The following ASTN2 variants were observed in gnomAD, a reference collection of about 807,000 sequenced individuals.
The protein encoded by ASTN2 is astrotactin-2.
ASTN2 carries 54 observed loss-of-function variants against 139.8 expected under a neutral mutation model. The observed-to-expected ratio is 0.39, with a 90% CI of 0.31 to 0.48. The LOEUF (loss-of-function observed/expected upper bound fraction) is 0.48. ASTN2 is among the 20% of genes least tolerant of loss of function. ASTN2 has a pLI of 0.95. For synonymous variants in ASTN2, 756 were observed against 719.5 expected (o/e 1.05, Z -0.81); for missense variants, 1,565 against 1,725.1 (o/e 0.91, Z 1.64).
intron 14 of ASTN2, among the ~76,000 whole-genome samples, chr9:116,730,257 G>C (rs1053353783): frequency 3.9e-5 from 6 of 151,996 alleles, no homozygotes; most frequent in African/African-American, 1.4e-4. Flanking sequence ...AGAGATATTT[G>C]ATACCAAGAT....
chr9:117,351,586 C>T (rs1466278255), intron 1 of ASTN2, among the ~76,000 whole-genome samples: 4 of 152,170 alleles, frequency 2.6e-5, no homozygotes, highest in Non-Finnish European at 5.9e-5. Context: ...CAAGTCTCTA[C>T]AATTTTCAAA....
intron 19 of ASTN2, among the ~76,000 whole-genome samples, chr9:116,489,215 A>C (rs1849433755): frequency 6.6e-6 from 1 of 152,244 alleles, no homozygotes; most frequent in African/African-American, 2.4e-5. Context: ...ATTAGGACTC[A>C]GAGCAGCTTG....
chr9:116,549,772 C>G (rs1310025090), intron 19 of ASTN2, among the ~76,000 whole-genome samples: 1 of 152,138 alleles, frequency 6.6e-6, no homozygotes, highest in African/African-American at 2.4e-5. Flanking sequence ...CACTGGAGTG[C>G]CCTTCCCCAC....
At chr9:117,371,560 C>T (rs189256956) in intron 1 of ASTN2, among the ~76,000 whole-genome samples, 24 of 152,216 alleles carry the variant, frequency 1.6e-4, no homozygotes, top group African/African-American at 5.8e-4. Context: ...CCCATCTTCC[C>T]CCCAATAGTT....
intron 4 of ASTN2, among the ~76,000 whole-genome samples, chr9:117,107,406 AG>A (rs1392265890): frequency 6.6e-6 from 1 of 152,194 alleles, no homozygotes; most frequent in African/African-American, 2.4e-5. Context: ...CCCTCCCGAA[AG>A]GATATACCAA....
chr9:116,765,331 C>A (rs1219115646), intron 13 of ASTN2, among the ~76,000 whole-genome samples: 1 of 152,134 alleles, frequency 6.6e-6, no homozygotes, highest in Non-Finnish European at 1.5e-5. Flanking sequence ...CCAGGCTATT[C>A]AAAACCCCTT....
chr9:116,874,442 TGAAG>T (rs1833244831), intron 10 of ASTN2, among the ~76,000 whole-genome samples: 1 of 152,064 alleles, frequency 6.6e-6, no homozygotes, highest in East Asian at 1.9e-4. Flanking sequence ...GGGCAGGTGT[TGAAG>T]GAAGAGAAGA....
At chr9:116,706,591 T>C (rs747695608) in intron 16 of ASTN2, among the ~76,000 whole-genome samples, 2 of 151,992 alleles carry the variant, frequency 1.3e-5, no homozygotes, top group South Asian at 4.2e-4. Flanking sequence ...TTGGTCCTAA[T>C]GTAACATCAG....
At chr9:116,460,167 T>A (rs1848444003) in intron 20 of ASTN2, among the ~76,000 whole-genome samples, 1 of 152,132 alleles carries the variant, frequency 6.6e-6, no homozygotes, top group Non-Finnish European at 1.5e-5. Context: ...ATATATTGCA[T>A]GATTCCACTT....
chr9:116,698,001 G>C lies in ASTN2; in HGVS notation c.2806+27770C>G, dbSNP rs925039617. On this transcript the variant is annotated intron_variant, in intron 16 of 22. Transcript: ENST00000313400. This position sits in a 1 kb window ranked among gnomAD's most constrained non-coding sequence, Gnocchi z 4.4. ...CAATCTGACAGTGCTAAAGATCATT[G>C]ATACAGCTGGGCTCAGCGAGGCTGT... 1.2e-6 allele frequency: 2 copies of C among 1,614,038 alleles called. No individual in the cohort carries two copies. The highest frequency in any genetic ancestry group is 1.7e-6 in the Non-Finnish European group (2 of 1,180,058).
intron 20 of ASTN2, among the ~76,000 whole-genome samples, chr9:116,465,844 T>A (rs892449864): frequency 6.6e-6 from 1 of 152,208 alleles, no homozygotes; most frequent in Non-Finnish European, 1.5e-5. Flanking sequence ...TGATGAGTAG[T>A]CTTCAAGTGT....
chr9:116,820,655 G>C lies in ASTN2; in HGVS notation c.2169C>G (p.Pro723=), dbSNP rs1392861527. The C allele has an allele frequency of 6.2e-7, 1 of 1,614,176 alleles. No individual in the cohort carries two copies. Among genetic ancestry groups the C allele is most frequent in the Admixed American group, 1.7e-5 (1 of 60,020 alleles). ...AGATGGTGCTCGAAGTGGCATCGTA[G>C]GGCAGGGGCAGCGTCTGCTGCAGGC... ...QLCLQQTLPL[P]YDATSSTIFM... Residue 723 remains proline, a synonymous_variant, in exon 12 of 23, where the codon CCC becomes CCG. Coordinates refer to ENST00000313400, the MANE Select transcript of ASTN2 (RefSeq NM_001365068.1).
chr9:116,643,329 T>C (rs976809005), intron 17 of ASTN2, among the ~76,000 whole-genome samples: 1 of 152,236 alleles, frequency 6.6e-6, no homozygotes, highest in Non-Finnish European at 1.5e-5. Context: ...AAACCTTTCC[T>C]GTAAAGGACT....
At chr9:116,898,633 T>C (rs1032973982) in intron 10 of ASTN2, among the ~76,000 whole-genome samples, 2 of 152,196 alleles carry the variant, frequency 1.3e-5, no homozygotes, top group East Asian at 3.9e-4. Context: ...ATCTGTGTTT[T>C]TTCATATTTT....
chr9:116,568,492 A>T (rs1853348957), intron 19 of ASTN2: 1 of 152,214 alleles, frequency 6.6e-6, no homozygotes, highest in Admixed American at 6.5e-5. Context: ...TCGGTAGCCA[A>T]ATCTCAGCAG....
intron 10 of ASTN2, among the ~76,000 whole-genome samples, chr9:116,947,828 G>T (rs1272542239): frequency 2.6e-5 from 4 of 152,190 alleles, no homozygotes; most frequent in African/African-American, 9.7e-5. Context: ...TCACTACTGT[G>T]GGATCCTCAG....
At chr9:116,656,462 C>T (rs1177983840) in intron 16 of ASTN2, among the ~76,000 whole-genome samples, 1 of 152,114 alleles carries the variant, frequency 6.6e-6, no homozygotes, top group Non-Finnish European at 1.5e-5. Context: ...GGTTAAAATA[C>T]AGTGTCTTTA....
chr9:116,814,188 T>C (rs1341027848), intron 12 of ASTN2, among the ~76,000 whole-genome samples: 1 of 152,102 alleles, frequency 6.6e-6, no homozygotes, highest in Non-Finnish European at 1.5e-5. Context: ...CTTCCCAGCT[T>C]TCCTAGTGCA....
intron 1 of ASTN2, among the ~76,000 whole-genome samples, chr9:117,295,948 C>T (rs1033848007): frequency 2.0e-5 from 3 of 151,810 alleles, no homozygotes; most frequent in Admixed American, 6.6e-5. Context: ...CATGAAGCTG[C>T]GTGTGTATGT....
Sources: allele counts gnomAD v4.1 joint callset (sites outside exome capture counted in the v4.1 genomes callset), GRCh38; gene constraint gnomAD v4.1.1; non-coding constraint Gnocchi (gnomAD v3.1); transcripts MANE v1.5; gene names NCBI Gene and HGNC (gene_info 2026-07-23, HGNC 2026-07-21).